Variants in IL1RAPL1 observed in about 807,000 individuals in gnomAD.
IL1RAPL1 encodes interleukin 1 receptor accessory protein like 1, also known as interleukin-1 receptor accessory protein-like 1.
A neutral mutation model predicts 48.4 loss-of-function variants in IL1RAPL1; 3 were observed. That is an observed-to-expected ratio of 0.06 (90% confidence interval 0.03 to 0.16). The LOEUF (loss-of-function observed/expected upper bound fraction) is 0.16, where lower values mean the gene tolerates loss of function less well. IL1RAPL1 is among the 10% of genes least tolerant of loss of function. IL1RAPL1 has a pLI of 1.00. For missense variants in IL1RAPL1, 349 were observed against 530.6 expected (o/e 0.66, Z 3.36); for synonymous variants, 185 against 187.7 (o/e 0.99, Z 0.12).
At chrX:29,838,071 C>A (rs1466942049) in intron 6 of IL1RAPL1, among the ~76,000 whole-genome samples, 3 of 111,562 alleles carry the variant, frequency 2.7e-5, no homozygotes, top group African/African-American at 9.8e-5. Flanking sequence ...TAATTAATTG[C>A]ATTTTCCAGG....
intron 1 of IL1RAPL1, among the ~76,000 whole-genome samples, chrX:28,684,409 A>G (rs1169892981): frequency 9.0e-6 from 1 of 111,714 alleles, no homozygotes; most frequent in Non-Finnish European, 1.9e-5. Flanking sequence ...ATTCCTTGAG[A>G]CTTTGGATGT....
intron 6 of IL1RAPL1, among the ~76,000 whole-genome samples, chrX:29,683,026 T>C (rs1050591776): frequency 3.6e-5 from 4 of 112,248 alleles, no homozygotes; most frequent in African/African-American, 9.7e-5. Flanking sequence ...AGAACAGTTA[T>C]ATATCAGTTC....
chrX:29,133,246 A>G (rs1569243420), intron 2 of IL1RAPL1, among the ~76,000 whole-genome samples: 1 of 111,679 alleles, frequency 9.0e-6, no homozygotes, highest in East Asian at 2.8e-4. Context: ...GATTCTAATC[A>G]TTATTTATTC....
At chrX:29,877,506 C>T (rs746254018) in intron 6 of IL1RAPL1, among the ~76,000 whole-genome samples, 2 of 111,853 alleles carry the variant, frequency 1.8e-5, no homozygotes, top group African/African-American at 6.5e-5. Flanking sequence ...TTTTTAATCA[C>T]TACATTTTCA....
rs1040442635 is a variant in IL1RAPL1, at chrX:28,636,755, C to A, written c.-25+48708C>A. On this transcript the variant is annotated intron_variant, in intron 1 of 10. Transcript: ENST00000378993. The stretch of plus-strand genomic sequence containing the variant: ...GGATTGTCTGGGGTCAAAATCCTTC[C>A]AACCTGAGACATCAATTTCAGAAGT... Among the ~76,000 whole-genome samples the A allele has an allele frequency of 2.7e-5, 3 of 111,603 alleles. No homozygotes were observed. In the East Asian group the frequency reaches 8.5e-4, roughly 32 times the overall value.
chrX:29,251,696 A>C (rs1310064195), intron 2 of IL1RAPL1, among the ~76,000 whole-genome samples: 1 of 111,279 alleles, frequency 9.0e-6, no homozygotes, highest in Non-Finnish European at 1.9e-5. Context: ...CCTGAAGTAA[A>C]AGAATGTTTT....
intron 2 of IL1RAPL1, among the ~76,000 whole-genome samples, chrX:29,151,213 G>C (rs1929460901): frequency 1.8e-5 from 2 of 112,124 alleles, no homozygotes; most frequent in Non-Finnish European, 3.8e-5. Flanking sequence ...TGATTTTGCT[G>C]TTTCCATGGA....
intron 5 of IL1RAPL1, among the ~76,000 whole-genome samples, chrX:29,406,776 GTATTCCTATAGAGA>G (rs1198604036): frequency 9.1e-6 from 1 of 110,155 alleles, no homozygotes; most frequent in African/African-American, 3.4e-5. Context: ...ACAGTGCTGA[GTATTCCTATAGAGA>G]TGATTATGTT....
At chrX:28,720,329 G>A (rs1328683404) in intron 1 of IL1RAPL1, among the ~76,000 whole-genome samples, 2 of 111,290 alleles carry the variant, frequency 1.8e-5, no homozygotes, top group Non-Finnish European at 3.8e-5. Flanking sequence ...GGGAGTGTCC[G>A]TCTGTCAGCA....
chrX:29,581,845 G>A (rs1007188543), intron 5 of IL1RAPL1, among the ~76,000 whole-genome samples: 21 of 111,548 alleles, frequency 1.9e-4, no homozygotes, highest in African/African-American at 6.5e-4. Flanking sequence ...ATTGAGCACA[G>A]CCAAGTTTAC....
intron 5 of IL1RAPL1, among the ~76,000 whole-genome samples, chrX:29,612,655 A>G (rs1245199637): frequency 8.9e-6 from 1 of 111,764 alleles, no homozygotes; most frequent in Non-Finnish European, 1.9e-5. Context: ...GTTAAATAAG[A>G]AAGTTTTTAG....
intron 6 of IL1RAPL1, among the ~76,000 whole-genome samples, chrX:29,719,535 T>C (rs1927576855): frequency 1.8e-5 from 2 of 110,244 alleles, no homozygotes; most frequent in Non-Finnish European, 3.8e-5. Flanking sequence ...TTTTAAATCT[T>C]TAACTCAAGT....
chrX:28,714,171 C>T (rs892209922), intron 1 of IL1RAPL1, among the ~76,000 whole-genome samples: 2 of 111,712 alleles, frequency 1.8e-5, no homozygotes, highest in African/African-American at 3.3e-5. Flanking sequence ...TTGTTTTACT[C>T]GAGAAGTTTT....
At chrX:29,300,195 A>G (rs1213728071) in intron 3 of IL1RAPL1, among the ~76,000 whole-genome samples, 1 of 111,723 alleles carries the variant, frequency 9.0e-6, no homozygotes, top group Non-Finnish European at 1.9e-5. Context: ...AAAATGGACT[A>G]AGACAATGAT....
chrX:29,802,196 G>A lies in IL1RAPL1; in HGVS notation c.779-115268G>A, dbSNP rs188500313. Among the ~76,000 whole-genome samples, 653 of 111,923 alleles carry A rather than the reference G, an allele frequency of 5.8e-3. 5 individuals carry two copies. Among genetic ancestry groups the A allele is most frequent in the African/African-American group, 0.02 (629 of 30,837 alleles). On this transcript the variant is annotated intron_variant, in intron 6 of 10. Transcript: ENST00000378993. ...GAAAAAAATCGGCATGGAGCGTTCG[G>A]TAGCTAGCCTCTAGTAGAATTATCA...
chrX:28,707,860 T>C (rs1935393915), intron 1 of IL1RAPL1, among the ~76,000 whole-genome samples: 1 of 112,007 alleles, frequency 8.9e-6, no homozygotes, highest in Non-Finnish European at 1.9e-5. Flanking sequence ...GAGGGGAGAA[T>C]GTGGTGCCAT....
At chrX:29,367,556 A>ATT (rs755317643) in intron 3 of IL1RAPL1, among the ~76,000 whole-genome samples, 3 of 63,601 alleles carry the variant, frequency 4.7e-5, no homozygotes, top group African/African-American at 2.1e-4. Flanking sequence ...ATTTATTTTT[A>ATT]TTTATTTATT....
chrX:29,399,676 A>G (rs932222511), intron 5 of IL1RAPL1, among the ~76,000 whole-genome samples: 3 of 110,589 alleles, frequency 2.7e-5, no homozygotes, highest in Non-Finnish European at 3.8e-5. Flanking sequence ...AAAATTAGCC[A>G]GGCGTGGTGG....
At chrX:28,895,599 AAAAG>A (rs1922895868) in intron 2 of IL1RAPL1, among the ~76,000 whole-genome samples, 1 of 110,853 alleles carries the variant, frequency 9.0e-6, no homozygotes, top group Non-Finnish European at 1.9e-5. Flanking sequence ...GGATAACTAA[AAAAG>A]AGTGTTTAAA....
Sources: gnomAD v4.1 joint callset for allele counts (sites outside exome capture counted in the v4.1 genomes callset) on GRCh38, gnomAD v4.1.1 for gene constraint, MANE v1.5 for transcripts, NCBI Gene and HGNC (gene_info 2026-07-23, HGNC 2026-07-21) for gene names.